The following GABRB1 variants were observed in gnomAD, a reference collection of about 807,000 sequenced individuals.
GABRB1 encodes the protein gamma-aminobutyric acid type A receptor subunit beta1.
GABRB1 carries 17 observed loss-of-function variants against 51.6 expected under a neutral mutation model. The ratio of observed to expected loss-of-function variants is 0.33; its 90% confidence interval spans 0.23 to 0.49. GABRB1 has a LOEUF of 0.49. GABRB1 is among the 20% of genes least tolerant of loss of function. GABRB1 has a pLI of 0.99. For synonymous variants in GABRB1, 247 were observed against 218.9 expected (o/e 1.13, Z -1.14); for missense variants, 410 against 600.6 (o/e 0.68, Z 3.32).
intron 5 of GABRB1, among the ~76,000 whole-genome samples, chr4:47,354,701 A>G (rs1238699478): frequency 1.3e-5 from 2 of 152,130 alleles, no homozygotes; most frequent in African/African-American, 4.8e-5. Context: ...TGCAGAGAAG[A>G]TAAACTCTTT....
chr4:47,025,278 G>T (rs997045410), intron 1 of GABRB1, among the ~76,000 whole-genome samples: 2 of 151,728 alleles, frequency 1.3e-5, no homozygotes, highest in Non-Finnish European at 2.9e-5. Flanking sequence ...GGGATTACTT[G>T]ATCAAATGGT....
intron 4 of GABRB1, among the ~76,000 whole-genome samples, chr4:47,279,365 AAGACTGAAT>A (rs1186089399): frequency 2.0e-5 from 3 of 152,192 alleles, no homozygotes; most frequent in Non-Finnish European, 4.4e-5. Context: ...AGAATAAAAT[AAGACTGAAT>A]AGAGCAAAGT....
chr4:47,388,865 T>G (rs887241136), intron 5 of GABRB1, among the ~76,000 whole-genome samples: 2 of 152,034 alleles, frequency 1.3e-5, no homozygotes, highest in African/African-American at 2.4e-5. Flanking sequence ...TGTTATTATG[T>G]TAAAAAAAGA....
At chr4:47,309,694 A>T (rs2109950058) in intron 4 of GABRB1, among the ~76,000 whole-genome samples, 1 of 152,282 alleles carries the variant, frequency 6.6e-6, no homozygotes, top group East Asian at 1.9e-4. Flanking sequence ...GGTTGACCAA[A>T]GTAGCAAATG....
At chr4:47,138,302 T>C (rs1038125314) in intron 3 of GABRB1, among the ~76,000 whole-genome samples, 20 of 152,114 alleles carry the variant, frequency 1.3e-4, no homozygotes, top group Non-Finnish European at 2.9e-4. Flanking sequence ...TATCGATTTG[T>C]ATCATAAGAT....
intron 5 of GABRB1, among the ~76,000 whole-genome samples, chr4:47,360,468 T>C (rs1156439390): frequency 6.6e-6 from 1 of 152,038 alleles, no homozygotes; most frequent in African/African-American, 2.4e-5. Flanking sequence ...TAGCTGCCTG[T>C]GTTAATAATA....
intron 5 of GABRB1, among the ~76,000 whole-genome samples, chr4:47,398,438 C>A (rs1428496931): frequency 6.6e-6 from 1 of 152,334 alleles, no homozygotes; most frequent in East Asian, 1.9e-4. Flanking sequence ...GTAGTAGACA[C>A]TCTCATCTTC....
chr4:47,019,953 T>C (rs1401826514), intron 1 of GABRB1, among the ~76,000 whole-genome samples: 1 of 146,808 alleles, frequency 6.8e-6, no homozygotes, highest in Non-Finnish European at 1.5e-5. Context: ...TATATGTATA[T>C]GTATATATAT....
chr4:47,048,929 C>A (rs969741439), intron 3 of GABRB1, among the ~76,000 whole-genome samples: 63 of 152,032 alleles, frequency 4.1e-4, no homozygotes, highest in African/African-American at 1.5e-3. Flanking sequence ...CCTACCCAAA[C>A]AATTGAGTTC....
At chr4:47,397,508 A>C (rs1451050083) in intron 5 of GABRB1, among the ~76,000 whole-genome samples, 1 of 152,126 alleles carries the variant, frequency 6.6e-6, no homozygotes, top group Non-Finnish European at 1.5e-5. Context: ...ACACTGTTGT[A>C]AGTATTGAGA....
upstream of GABRB1, among the ~76,000 whole-genome samples, chr4:47,027,964 T>C (rs1302928663): frequency 6.6e-6 from 1 of 151,706 alleles, no homozygotes; most frequent in Non-Finnish European, 1.5e-5. Flanking sequence ...TTAAAATAAA[T>C]TGTGGCAATT....
rs961351851 is a variant in GABRB1, at chr4:47,402,411, A to G, written c.545-907A>G. On this transcript the variant is annotated intron_variant, in intron 5 of 8. Transcript: ENST00000295454. ...ACCTAAATAGAAAATGAATTTAGAAAGAGCTTCTTTGTCTCTAGCTGGTAG... is the reference window on the plus strand; with the variant it reads ...ACCTAAATAGAAAATGAATTTAGAAGGAGCTTCTTTGTCTCTAGCTGGTAG... 3.3e-5 allele frequency among the ~76,000 whole-genome samples: 5 copies of G among 152,344 alleles called. No individual in the cohort carries two copies. In the South Asian group the frequency reaches 1.0e-3, roughly 32 times the overall value.
At chr4:47,375,933 T>G (rs181871768) in intron 5 of GABRB1, among the ~76,000 whole-genome samples, 1 of 152,322 alleles carries the variant, frequency 6.6e-6, no homozygotes, top group Admixed American at 6.5e-5. Flanking sequence ...ACAGAATGTT[T>G]GGAGGAGAAG....
At chr4:47,252,342 A>G (rs1044588847) in intron 4 of GABRB1, among the ~76,000 whole-genome samples, 1 of 151,614 alleles carries the variant, frequency 6.6e-6, no homozygotes, top group African/African-American at 2.4e-5. Context: ...ACCCACTTCC[A>G]CAGTTGGGGC....
At chr4:47,401,819 T>G (rs750454893) in intron 5 of GABRB1, among the ~76,000 whole-genome samples, 17 of 42,230 alleles carry the variant, frequency 4.0e-4, no homozygotes, top group African/African-American at 7.4e-4. Context: ...TATCTATCTA[T>G]CTAGCTATCT....
At chr4:47,035,579 G>A (rs1256956089) in intron 3 of GABRB1, among the ~76,000 whole-genome samples, 1 of 152,084 alleles carries the variant, frequency 6.6e-6, no homozygotes, top group East Asian at 1.9e-4. Flanking sequence ...AAACCACCAT[G>A]ATTTCCATTT....
chr4:47,399,412 A>G (rs1728303910), intron 5 of GABRB1, among the ~76,000 whole-genome samples: 1 of 152,096 alleles, frequency 6.6e-6, no homozygotes, highest in Admixed American at 6.5e-5. Context: ...TCAGTTCTTA[A>G]ATGTCTGTTT....
At chr4:47,285,457 T>C (rs1484162635) in intron 4 of GABRB1, among the ~76,000 whole-genome samples, 6 of 152,220 alleles carry the variant, frequency 3.9e-5, no homozygotes, top group Non-Finnish European at 7.4e-5. Flanking sequence ...AATGAATTGT[T>C]TCACAACTTA....
intron 3 of GABRB1, among the ~76,000 whole-genome samples, chr4:47,066,193 T>G (rs1036476783): frequency 1.1e-4 from 16 of 152,248 alleles, no homozygotes; most frequent in Non-Finnish European, 2.9e-5. Flanking sequence ...TACAGTCTAT[T>G]AAGTGTGCAA....
Sources: gnomAD v4.1 joint callset for allele counts (sites outside exome capture counted in the v4.1 genomes callset) on GRCh38, gnomAD v4.1.1 for gene constraint, MANE v1.5 for transcripts, NCBI Gene and HGNC (gene_info 2026-07-23, HGNC 2026-07-21) for gene names.